TAF4: variants seen among roughly 807,000 people sequenced by gnomAD.
TAF4 encodes TATA-box binding protein associated factor 4.
A neutral mutation model predicts 90.3 loss-of-function variants in TAF4; 9 were observed. The observed-to-expected ratio is 0.10, with a 90% confidence interval of 0.06 to 0.17. The LOEUF is 0.17. TAF4 is among the 10% of genes least tolerant of loss of function. The pLI, the probability that TAF4 is intolerant of heterozygous loss-of-function variation, is 1.00. For missense variants in TAF4, 1,351 were observed against 1,370.7 expected (o/e 0.99, Z 0.23); for synonymous variants, 818 against 638.9 (o/e 1.28, Z -4.23).
intron 2 of TAF4, among the ~76,000 whole-genome samples, chr20:62,014,228 G>A (rs776354700): frequency 9.2e-5 from 14 of 152,236 alleles, no homozygotes; most frequent in Non-Finnish European, 1.9e-4. Flanking sequence ...ACAGGAAGGT[G>A]AAGCCACAGG....
chr20:62,039,106 GT>G (rs1309244187), intron 1 of TAF4, among the ~76,000 whole-genome samples: 1 of 152,138 alleles, frequency 6.6e-6, no homozygotes, highest in Non-Finnish European at 1.5e-5. Context: ...TTTTGTAGAA[GT>G]TGACGAACTG....
intron 1 of TAF4, among the ~76,000 whole-genome samples, chr20:62,059,420 T>G (rs1398247500): frequency 1.3e-5 from 2 of 152,242 alleles, no homozygotes; most frequent in Non-Finnish European, 2.9e-5. Context: ...AAGCACCCCA[T>G]TTTCGAACAT....
At chr20:62,040,943 ACT>A (rs1274055005) in intron 1 of TAF4, among the ~76,000 whole-genome samples, 1 of 152,226 alleles carries the variant, frequency 6.6e-6, no homozygotes, top group Admixed American at 6.5e-5. Context: ...AACATGCCAG[ACT>A]CCTCAGCTGG....
At chr20:62,044,111 A>C (rs1007447300) in intron 1 of TAF4, among the ~76,000 whole-genome samples, 2 of 152,246 alleles carry the variant, frequency 1.3e-5, no homozygotes, top group African/African-American at 4.8e-5. Flanking sequence ...GCAGAGAAAA[A>C]TATATGTATT....
At position 62,006,843 on chromosome 20, in the gene TAF4, T is replaced by C; in HGVS notation, c.1975-85A>G. 7.1e-7 allele frequency: 1 copy of C among 1,407,802 alleles called. No homozygotes were observed. The highest frequency in any genetic ancestry group is 2.7e-5 in the East Asian group (1 of 37,634). 87.2% of individuals were successfully genotyped at this position (1,407,802 alleles called of 1,614,324 possible). A position where few individuals can be genotyped will look rare whatever the true frequency, so the allele number is the denominator to read the frequency against. Reference sequence around the variant, plus strand: ...TTAAAAATTCAGAAATATCAACTTTTACAGAAAGCTTTTGAGCTAAGTAAG... The same window carrying C: ...TTAAAAATTCAGAAATATCAACTTTCACAGAAAGCTTTTGAGCTAAGTAAG... On this transcript the variant is annotated intron_variant, in intron 6 of 14. Coordinates refer to ENST00000252996, the MANE Select transcript of TAF4 (RefSeq NM_003185.4). This position sits in a 1 kb window ranked among gnomAD's most constrained non-coding sequence, Gnocchi z 7.0.
At chr20:62,021,670 T>A (rs554930234) in intron 1 of TAF4, among the ~76,000 whole-genome samples, 49 of 152,310 alleles carry the variant, frequency 3.2e-4, no homozygotes, top group South Asian at 2.3e-3. Context: ...GCCATGTGGA[T>A]ACACGTTCCA....
intron 14 of TAF4, among the ~76,000 whole-genome samples, chr20:61,996,789 C>A (rs2055665411): frequency 7.1e-6 from 1 of 141,148 alleles, no homozygotes; most frequent in African/African-American, 2.7e-5. Flanking sequence ...CAGAGCAAGA[C>A]TGTCTCAAAA....
At chr20:62,035,044 T>C (rs917476461) in intron 1 of TAF4, among the ~76,000 whole-genome samples, 2 of 152,128 alleles carry the variant, frequency 1.3e-5, no homozygotes, top group Non-Finnish European at 2.9e-5. Flanking sequence ...ATGGTCTCGA[T>C]CCCCTGACCT....
chr20:62,000,497 A>G (rs2055692745), intron 10 of TAF4, 55 bp downstream of exon 10: 1 of 1,573,134 alleles, frequency 6.4e-7, no homozygotes, highest in South Asian at 1.2e-5. Context: ...TGAAGCTCCC[A>G]TGCCCCAGCA....
intron 1 of TAF4, among the ~76,000 whole-genome samples, chr20:62,049,165 G>A (rs1184797832): frequency 6.6e-6 from 1 of 151,922 alleles, no homozygotes; most frequent in Non-Finnish European, 1.5e-5. Context: ...TGGTTCTCCA[G>A]GTGCAGCAGT....
At chr20:62,014,859 T>C (rs2123151535) in intron 1 of TAF4, 152 bp from the exon 2 acceptor site, 1 of 1,090,766 alleles carries the variant, frequency 9.2e-7, no homozygotes, top group South Asian at 1.6e-5. Context: ...AAAACACACT[T>C]GTGAGTCAAG....
In TAF4 at chr20:62,064,763, C is replaced by T; in HGVS notation, c.1048G>A (p.Val350Met). 8.8e-7 allele frequency: 1 copy of T among 1,140,362 alleles called. No homozygotes were observed. The highest frequency in any genetic ancestry group is 1.1e-6 in the Non-Finnish European group (1 of 932,280). The allele number at this position is 1,140,362 out of a possible 1,614,324, so 70.6% of individuals were successfully genotyped here. The change falls in exon 1 of 15, where the codon GTG (valine) becomes ATG (methionine). Residue 350 changes from valine (V) to methionine (M), a missense_variant. By Grantham distance (21) the Val-to-Met change is conservative. Around this residue, in one of 9 missense-constraint regions of TAF4, gnomAD observed 782 missense variants for 536.6 expected, o/e 1.46. Transcript: ENST00000252996. ...GCCGCCGGGGGCGCCGCCTGCACCA[C>T]CCTCTTGGGCGACTCGGCCTTGACC... ...PGVKAESPKR[V>M]VQAAPPAAQT... is the part of the protein sequence containing the mutation.
rs1408065250 is a variant in TAF4, at chr20:61,998,195, A to G, written c.2914-3T>C. On this transcript the variant is annotated splice_region_variant and splice_polypyrimidine_tract_variant and intron_variant, in intron 12 of 14. Transcript: ENST00000252996. ...GGATCTTCTTGTCTTGACCGAGACT[A>G]TTTTTGAAAGAGGCAGAAAAGAAAA... 6.2e-7 allele frequency: 1 copy of G among 1,612,330 alleles called. No individual in the cohort carries two copies. Among genetic ancestry groups the G allele is most frequent in the South Asian group, 1.1e-5 (1 of 90,376 alleles).
chr20:62,018,707 G>A (rs960060351), intron 1 of TAF4, among the ~76,000 whole-genome samples: 2 of 152,238 alleles, frequency 1.3e-5, no homozygotes, highest in African/African-American at 4.8e-5. Context: ...GGATGACAGG[G>A]AGCAGGGCTC....
intron 1 of TAF4, among the ~76,000 whole-genome samples, chr20:62,059,516 T>C (rs567306354): frequency 6.6e-6 from 1 of 152,298 alleles, no homozygotes; most frequent in Admixed American, 6.5e-5. Flanking sequence ...GACACCACAA[T>C]GCCATAGCAA....
chr20:62,033,380 A>G lies in TAF4; in HGVS notation c.1361-18673T>C, dbSNP rs75031669. The stretch of plus-strand genomic sequence containing the variant: ...AGGCATTTGATACGATCCAACATCC[A>G]TTGAGACAAACTAACAAATATCCCC... On this transcript the variant is annotated intron_variant, in intron 1 of 14. Coordinates refer to ENST00000252996, the MANE Select transcript of TAF4 (RefSeq NM_003185.4). 9.4e-3 allele frequency among the ~76,000 whole-genome samples: 1,435 copies of G among 152,314 alleles called. 8 individuals are homozygous for G. The highest frequency in any genetic ancestry group is 0.038 in the South Asian group (185 of 4,832).
chr20:62,026,447 A>G (rs4266091), intron 1 of TAF4, among the ~76,000 whole-genome samples: 14,996 of 152,208 alleles, frequency 0.099, 1,192 homozygotes, highest in East Asian at 0.44. Context: ...TGCGTGCTCA[A>G]GTCTCTGAAA....
intron 14 of TAF4, among the ~76,000 whole-genome samples, chr20:61,982,066 C>T (rs1259156652): frequency 2.1e-4 from 12 of 57,680 alleles, no homozygotes; most frequent in South Asian, 9.8e-4. Flanking sequence ...ACCAAACCCA[C>T]ACCCCACCCG....
intron 14 of TAF4, among the ~76,000 whole-genome samples, chr20:61,990,729 A>T (rs984009553): frequency 1.3e-5 from 2 of 152,206 alleles, no homozygotes; most frequent in African/African-American, 4.8e-5. Context: ...GGAGTGAATC[A>T]GTACTGAGCA....
Sources: gnomAD v4.1 joint callset for allele counts (sites outside exome capture counted in the v4.1 genomes callset) on GRCh38, gnomAD v4.1.1 for gene constraint, gnomAD v4.1.1 regional missense constraint, Gnocchi (gnomAD v3.1) non-coding constraint, MANE v1.5 for transcripts, NCBI Gene and HGNC (gene_info 2026-07-23, HGNC 2026-07-21) for gene names.